The following ANKS1B variants were observed in gnomAD, a reference collection of about 807,000 sequenced individuals.
ANKS1B encodes the protein ankyrin repeat and sterile alpha motif domain containing 1B, also known as ankyrin repeat and sterile alpha motif domain-containing protein 1B.
In ANKS1B, 36 loss-of-function variants were observed where a neutral mutation model predicts 148.3. That is an observed-to-expected ratio of 0.24 (90% CI 0.19 to 0.32). The LOEUF (loss-of-function observed/expected upper bound fraction) is 0.32. Ranked by LOEUF, ANKS1B falls within the 10% of genes least tolerant of loss-of-function variation. The probability of loss-of-function intolerance (pLI) is 1.00; values close to 1 mark genes in which losing one functional copy is unlikely to be tolerated. For missense variants in ANKS1B, 1,157 were observed against 1,542.6 expected, an observed-to-expected ratio of 0.75 and a Z score of 4.19; for synonymous variants, 542 against 560.8, an observed-to-expected ratio of 0.97 and a Z score of 0.47.
At chr12:99,068,025 ATTAT>A (rs1441065441) in intron 16 of ANKS1B, among the ~76,000 whole-genome samples, 1 of 152,058 alleles carries the variant, frequency 6.6e-6, no homozygotes, top group Non-Finnish European at 1.5e-5. Flanking sequence ...TTTAGTAGTT[ATTAT>A]TTATTTAATT....
In ANKS1B at chr12:99,109,901, C is replaced by G. The variant is rs569439930; in HGVS notation, c.2527-24878G>C. 2.0e-5 allele frequency among the ~76,000 whole-genome samples: 3 copies of G among 152,294 alleles called. No individual in the cohort carries two copies. In the South Asian group the frequency reaches 6.2e-4, roughly 32 times the overall value. ...CAGCACCTCTGTGCAGTACTAACATCTTGCTTTAAGATGAGGAAAGGAAAG... is the reference window on the plus strand; with the variant it reads ...CAGCACCTCTGTGCAGTACTAACATGTTGCTTTAAGATGAGGAAAGGAAAG... On this transcript the variant is annotated intron_variant, in intron 15 of 26. Transcript: ENST00000683438.
Position 98,828,078 on chromosome 12 carries a change from CCCCTTTCAATAAAAGAG to C in ANKS1B, c.3066+1079_3066+1095del, listed in dbSNP as rs1464874260. ...TTCTTATTTCTCCTATATTTTCCAT[CCCCTTTCAATAAAAGAG>C]TCTCCATAATCCCAACATTGCCATT... On this transcript the variant is annotated intron_variant, in intron 19 of 26. Transcript: ENST00000683438. Among the ~76,000 whole-genome samples the C allele has an allele frequency of 3.9e-5, 6 of 152,238 alleles. No individual in the cohort carries two copies. In the South Asian group the frequency reaches 6.2e-4, roughly 16 times the overall value.
At chr12:99,229,964 T>C (rs1295765038) in intron 14 of ANKS1B, among the ~76,000 whole-genome samples, 6 of 151,706 alleles carry the variant, frequency 4.0e-5, no homozygotes, top group Admixed American at 6.6e-5. Context: ...TCATTATCCA[T>C]AGTTTGGAAA....
intron 9 of ANKS1B, among the ~76,000 whole-genome samples, chr12:99,595,118 A>G (rs1480055584): frequency 1.3e-5 from 2 of 151,998 alleles, no homozygotes; most frequent in African/African-American, 2.4e-5. Flanking sequence ...ATAAATACCT[A>G]ACTTGTATAG....
At chr12:99,186,136 G>A (rs2079813639) in intron 14 of ANKS1B, among the ~76,000 whole-genome samples, 2 of 152,210 alleles carry the variant, frequency 1.3e-5, no homozygotes, top group South Asian at 4.1e-4. Context: ...AGTTCCAACT[G>A]TGCACAGCCT....
At chr12:99,848,925 A>T (rs1381029128) in intron 1 of ANKS1B, among the ~76,000 whole-genome samples, 3 of 152,198 alleles carry the variant, frequency 2.0e-5, no homozygotes, top group African/African-American at 4.8e-5. Flanking sequence ...CACTATCATA[A>T]GCAAACTAAC....
intron 1 of ANKS1B, among the ~76,000 whole-genome samples, chr12:99,828,346 C>G (rs2083463698): frequency 6.6e-6 from 1 of 152,130 alleles, no homozygotes; most frequent in South Asian, 2.1e-4. Flanking sequence ...ATGCTAACAA[C>G]TGCACTTCAC....
chr12:98,907,159 C>T (rs1440330970), intron 17 of ANKS1B, among the ~76,000 whole-genome samples: 1 of 152,128 alleles, frequency 6.6e-6, no homozygotes, highest in Non-Finnish European at 1.5e-5. Context: ...TGAACTTATT[C>T]ATAACTGCAA....
At chr12:99,128,317 A>G (rs757452367) in intron 15 of ANKS1B, among the ~76,000 whole-genome samples, 2 of 152,224 alleles carry the variant, frequency 1.3e-5, no homozygotes, top group Non-Finnish European at 2.9e-5. Context: ...CTGACCTTCT[A>G]TAAATAACAT....
chr12:99,935,991 G>A (rs2094758185), intron 1 of ANKS1B, among the ~76,000 whole-genome samples: 1 of 152,174 alleles, frequency 6.6e-6, no homozygotes, highest in African/African-American at 2.4e-5. Context: ...TCCTCACAGG[G>A]CAGCAGGAGA....
intron 9 of ANKS1B, among the ~76,000 whole-genome samples, chr12:99,632,973 T>C (rs951194476): frequency 2.4e-5 from 3 of 126,730 alleles, no homozygotes; most frequent in African/African-American, 6.0e-5. Context: ...AGTGTTCTCA[T>C]TGTTCAACTT....
At chr12:99,059,255 G>A (rs1362136762) in intron 16 of ANKS1B, among the ~76,000 whole-genome samples, 1 of 152,190 alleles carries the variant, frequency 6.6e-6, no homozygotes, top group Non-Finnish European at 1.5e-5. Flanking sequence ...GTGAAGAAAT[G>A]AGGTGTTAAT....
intron 1 of ANKS1B, among the ~76,000 whole-genome samples, chr12:99,861,100 G>A (rs1236009588): frequency 6.6e-6 from 1 of 152,182 alleles, no homozygotes; most frequent in Non-Finnish European, 1.5e-5. Flanking sequence ...CAAATGCCTA[G>A]CTAAAATAAA....
At chr12:98,856,542 T>C (rs897294908) in intron 17 of ANKS1B, among the ~76,000 whole-genome samples, 2 of 152,212 alleles carry the variant, frequency 1.3e-5, no homozygotes, top group African/African-American at 4.8e-5. Context: ...AAACAGATGA[T>C]TTCATGTGTG....
intron 9 of ANKS1B, among the ~76,000 whole-genome samples, chr12:99,562,791 C>A (rs1312980668): frequency 6.6e-6 from 1 of 152,184 alleles, no homozygotes; most frequent in South Asian, 2.1e-4. Flanking sequence ...TGAGGTCCCT[C>A]CCTCAATACG....
intron 8 of ANKS1B, among the ~76,000 whole-genome samples, chr12:99,669,683 A>G (rs1599284993): frequency 6.6e-6 from 1 of 151,772 alleles, no homozygotes; most frequent in East Asian, 1.9e-4. Flanking sequence ...ATGAAGTTTC[A>G]CTCTTGTGCA....
intron 15 of ANKS1B, among the ~76,000 whole-genome samples, chr12:99,144,734 A>G (rs1407708240): frequency 6.6e-6 from 1 of 152,060 alleles, no homozygotes; most frequent in East Asian, 1.9e-4. Flanking sequence ...TAATCAAGTT[A>G]AAATGAGGTC....
chr12:99,476,772 T>C (rs2096330634), intron 10 of ANKS1B, among the ~76,000 whole-genome samples: 1 of 152,204 alleles, frequency 6.6e-6, no homozygotes, highest in Non-Finnish European at 1.5e-5. Context: ...ATGTTTATTA[T>C]CTTGCAGTTT....
intron 12 of ANKS1B, among the ~76,000 whole-genome samples, chr12:99,261,794 G>A (rs897847400): frequency 5.3e-5 from 8 of 151,932 alleles, no homozygotes; most frequent in East Asian, 3.9e-4. Context: ...TAAAACTAAG[G>A]CAAATCATGT....
Sources: gnomAD v4.1 joint callset for allele counts (sites outside exome capture counted in the v4.1 genomes callset) on GRCh38, gnomAD v4.1.1 for gene constraint, MANE v1.5 for transcripts, NCBI Gene and HGNC (gene_info 2026-07-23, HGNC 2026-07-21) for gene names.